SH3D21: variants seen among roughly 807,000 people sequenced by gnomAD.
SH3D21 encodes SH3 domain-containing protein 21.
Under a neutral mutation model 82.1 loss-of-function variants are expected in SH3D21, and 83 were observed. The ratio of observed to expected loss-of-function variants is 1.01; its 90% CI spans 0.85 to 1.21. The LOEUF is 1.21. SH3D21 is among the 50% of genes most tolerant of loss of function. The pLI is 0.00. For synonymous variants in SH3D21, 383 were observed against 387.8 expected (o/e 0.99, Z 0.15); for missense variants, 980 against 962.1 (o/e 1.02, Z -0.25).
chr1:36,307,371 C>G lies in SH3D21; in HGVS notation c.345+86C>G. ...GCGGGGTGGGAAGTGAGGGTGTGGA[C>G]GGTGGGAATGGCGACGGTGCAGATA... is the stretch of plus-strand genomic sequence containing the variant. On this transcript the variant is annotated intron_variant, in intron 4 of 15. Transcript: ENST00000453908. This position sits in a 1 kb window ranked among gnomAD's most constrained non-coding sequence, Gnocchi z 5.4. The G allele has an allele frequency of 2.0e-6, 3 of 1,526,076 alleles. No individual in the cohort carries two copies. Among genetic ancestry groups the G allele is most frequent in the Non-Finnish European group, 2.7e-6 (3 of 1,127,338 alleles). The allele number at this position is 1,526,076 out of a possible 1,614,324, so 94.5% of individuals were successfully genotyped here. A position where few individuals can be genotyped will look rare whatever the true frequency, so the allele number is the denominator to read the frequency against.
chr1:36,322,122 G>T, downstream of SH3D21: 1 of 1,344,190 alleles, frequency 7.4e-7, no homozygotes, highest in South Asian at 1.8e-5. Context: ...CCCCCTCCCC[G>T]CCCCCGGGGT....
downstream of SH3D21, chr1:36,328,007 TCTCCTCCCTAC>T (rs1646561982): frequency 1.7e-6 from 1 of 576,996 alleles, no homozygotes; most frequent in South Asian, 1.5e-5. Flanking sequence ...CACCTGCCCA[TCTCCTCCCTAC>T]CTCCTCGCTG....
downstream of SH3D21, chr1:36,322,573 C>T: frequency 6.3e-7 from 1 of 1,586,128 alleles, no homozygotes; most frequent in Non-Finnish European, 8.5e-7. Context: ...TCCTCGGGCT[C>T]CAGGGTGCTG....
chr1:36,322,860 G>A (rs929174770), downstream of SH3D21: 7 of 1,514,450 alleles, frequency 4.6e-6, no homozygotes, highest in Non-Finnish European at 6.3e-6. Context: ...AACCGCCAGC[G>A]GGCAAGAGGG....
downstream of SH3D21, chr1:36,322,122 G>C (rs1646473250): frequency 1.0e-5 from 14 of 1,344,188 alleles, no homozygotes; most frequent in South Asian, 1.8e-4. Flanking sequence ...CCCCCTCCCC[G>C]CCCCCGGGGT....
rs193141850 is a variant in SH3D21, at chr1:36,307,942, C to G, written c.517C>G (p.Pro173Ala). 5.0e-4 allele frequency: 774 copies of G among 1,551,742 alleles called. 10 individuals are homozygous for G. The East Asian group carries it at 0.012, about 24-fold the overall frequency. The change falls in exon 7 of 16, where the codon CCT (proline) becomes GCT (alanine). Residue 173 changes from proline to alanine, a missense_variant. By Grantham distance (27) the Pro-to-Ala change is conservative. Coordinates refer to ENST00000453908, the MANE Select transcript of SH3D21 (RefSeq NM_001162530.2). The surrounding 1 kb of genome is among the most constrained non-coding windows in gnomAD (Gnocchi z 5.4). ...PKLSSLAYDS[P>A]PDYLQTVSHP... ...GCTGAGCAGCCTGGCCTATGACAGC[C>G]CTCCAGACTACCTGCAGACAGGTGA...
downstream of SH3D21, among the ~76,000 whole-genome samples, chr1:36,329,698 C>T (rs1281677922): frequency 2.0e-5 from 3 of 150,872 alleles, no homozygotes; most frequent in Admixed American, 2.0e-4. Flanking sequence ...TTGTGATGAA[C>T]ACAATGAAAA....
At position 36,307,668 on chromosome 1, in the gene SH3D21, G is replaced by A. The variant is rs1344329308; in HGVS notation, c.436+61G>A. 6.5e-7 allele frequency: 1 copy of A among 1,542,992 alleles called. No homozygotes were observed. The highest frequency in any genetic ancestry group is 1.4e-5 in the African/African-American group (1 of 72,914). On this transcript the variant is annotated intron_variant, in intron 5 of 15. Coordinates refer to ENST00000453908, the MANE Select transcript of SH3D21 (RefSeq NM_001162530.2). This position sits in a 1 kb window ranked among gnomAD's most constrained non-coding sequence, Gnocchi z 5.4. ...TCTCCAATGACCCTCCCAGTGGCAT[G>A]AGCCTGTGATTCACATATCCTGACC...
downstream of SH3D21, chr1:36,323,122 CT>C: frequency 1.4e-6 from 2 of 1,443,354 alleles, no homozygotes; most frequent in East Asian, 2.6e-5. Flanking sequence ...ACCCCGACCC[CT>C]TCCGCGGGCA....
At chr1:36,322,966 C>T (rs1262787388), downstream of SH3D21, 24 of 1,606,180 alleles carry the variant, frequency 1.5e-5, no homozygotes, top group Non-Finnish European at 2.0e-5. Context: ...GGCGCCCGCC[C>T]TCACCGCGGA....
intron 10 of SH3D21, among the ~76,000 whole-genome samples, chr1:36,310,260 A>G (rs1646213076): frequency 6.6e-6 from 1 of 152,174 alleles, no homozygotes; most frequent in African/African-American, 2.4e-5. Flanking sequence ...AGCCTTATTT[A>G]TCTTTTAATG....
In SH3D21 at chr1:36,307,088, A is replaced by G; in HGVS notation, c.227-79A>G. ...GGCGGGGCTGGAGGGACCAAAGGCT[A>G]CGTGCGCGCCTTGCGCTTCCCCCAG... On this transcript the variant is annotated intron_variant, in intron 3 of 15. Coordinates refer to ENST00000453908, the MANE Select transcript of SH3D21 (RefSeq NM_001162530.2). The surrounding 1 kb of genome is among the most constrained non-coding windows in gnomAD (Gnocchi z 5.4). 1.3e-6 allele frequency: 2 copies of G among 1,536,044 alleles called. No homozygotes were observed. The highest frequency in any genetic ancestry group is 1.2e-5 in the South Asian group (1 of 81,588).
chr1:36,321,710 G>A (rs775917966), downstream of SH3D21: 23 of 1,015,808 alleles, frequency 2.3e-5, no homozygotes, highest in Non-Finnish European at 2.7e-5. The surrounding 1 kb of genome is among the most constrained non-coding windows in gnomAD (Gnocchi z 6.1). Context: ...GGCCTGGTGT[G>A]TGTGTCATTG....
intron 10 of SH3D21, among the ~76,000 whole-genome samples, chr1:36,317,010 T>G (rs1000817431): frequency 2.0e-5 from 3 of 152,120 alleles, no homozygotes; most frequent in Non-Finnish European, 4.4e-5. Flanking sequence ...TTACCTCTTT[T>G]AAGTCCAATG....
At chr1:36,327,208 G>A (rs1438767397), downstream of SH3D21, among the ~76,000 whole-genome samples, 3 of 152,162 alleles carry the variant, frequency 2.0e-5, no homozygotes, top group African/African-American at 7.2e-5. Context: ...TGCCTTGGCC[G>A]AGATTTGAAG....
rs2124669435 is a variant in SH3D21, at chr1:36,307,244, C to G, written c.304C>G (p.Leu102Val). 2 of 1,551,806 alleles carry G rather than the reference C, an allele frequency of 1.3e-6. No homozygotes were observed. The highest frequency in any genetic ancestry group is 1.7e-6 in the Non-Finnish European group (2 of 1,147,016). ...CTACAGCCCAGAGCAGGCGGACGAG[C>G]TGAAGCTGCAAGCTGGGGAGATCGT... is the stretch of plus-strand genomic sequence containing the variant. Reference protein sequence around the residue: ...FSYSPEQADELKLQAGEIVEM... With the variant: ...FSYSPEQADEVKLQAGEIVEM... Residue 102 changes from leucine (L) to valine (V), a missense_variant, in exon 4 of 16, where the codon CTG becomes GTG. Transcript: ENST00000453908. This position sits in a 1 kb window ranked among gnomAD's most constrained non-coding sequence, Gnocchi z 5.4.
rs1441950375 is a variant in SH3D21, at chr1:36,308,395, G to A, written c.646G>A (p.Glu216Lys). ...TGGCGTGTTTCTTTTCCAGACCACA[G>A]AGGATAAGGGCTGGTGGGAAGGAGA... is the stretch of plus-strand genomic sequence containing the variant. ...DVVKVLSKTT[E>K]DKGWWEGECQ... is the part of the protein sequence containing the mutation. The change falls in exon 9 of 16, where the codon GAG becomes AAG. Residue 216 changes from glutamate (E) to lysine (K), a missense_variant. By Grantham distance (56) the Glu-to-Lys change is moderately conservative. Transcript: ENST00000453908. The A allele has an allele frequency of 6.4e-7, 1 of 1,551,926 alleles. No individual in the cohort carries two copies. The highest frequency in any genetic ancestry group is 2.4e-5 in the East Asian group (1 of 40,928).
At chr1:36,315,609 A>G (rs536004143) in intron 10 of SH3D21, among the ~76,000 whole-genome samples, 2 of 152,242 alleles carry the variant, frequency 1.3e-5, no homozygotes, top group South Asian at 4.1e-4. Flanking sequence ...TCGGCCTCCC[A>G]AAGTGCTGGG....
At position 36,308,247 on chromosome 1, in the gene SH3D21, G is replaced by A. The variant is rs550171479; in HGVS notation, c.639+38G>A. On this transcript the variant is annotated intron_variant, in intron 8 of 15. Transcript: ENST00000453908. ...CAGGGTGGGGGGGCCCAGGGAAGCC[G>A]GTGTTGAGAAAGGGTAGACCTGCAC... is the stretch of plus-strand genomic sequence containing the variant. The A allele has an allele frequency of 3.7e-5, 55 of 1,497,124 alleles. No individual in the cohort carries two copies. In the African/African-American group the frequency reaches 6.1e-4, roughly 17 times the overall value. 92.7% of individuals were successfully genotyped at this position (1,497,124 alleles called of 1,614,324 possible).
Sources: allele counts gnomAD v4.1 joint callset (sites outside exome capture counted in the v4.1 genomes callset), GRCh38; gene constraint gnomAD v4.1.1; non-coding constraint Gnocchi (gnomAD v3.1); transcripts MANE v1.5; gene names NCBI Gene and HGNC (gene_info 2026-07-23, HGNC 2026-07-21).